Variants in CACNA1C observed in about 807,000 individuals in gnomAD.
The protein encoded by CACNA1C is voltage-dependent L-type calcium channel subunit alpha-1C.
Under a neutral mutation model 229.0 loss-of-function variants are expected in CACNA1C, and 30 were observed. The observed-to-expected ratio is 0.13, with a 90% CI of 0.10 to 0.18. CACNA1C has a LOEUF of 0.18. Among genes scored for constraint, CACNA1C ranks in the 10% least tolerant of loss-of-function variants. The pLI is 1.00. For missense variants in CACNA1C, 1,658 were observed against 2,845.0 expected (o/e 0.58, Z 9.49); for synonymous variants, 1,114 against 1,132.5 (o/e 0.98, Z 0.33).
intron 3 of CACNA1C, among the ~76,000 whole-genome samples, chr12:2,329,436 G>GCAGTGT (rs1010765741): frequency 2.4e-4 from 36 of 152,258 alleles, no homozygotes; most frequent in African/African-American, 8.2e-4. Context: ...CCCTTCACCT[G>GCAGTGT]CAGTGTCAGT....
intron 4 of CACNA1C, among the ~76,000 whole-genome samples, chr12:2,455,344 A>G (rs1471156066): frequency 6.7e-6 from 1 of 148,226 alleles, no homozygotes; most frequent in East Asian, 2.0e-4. Flanking sequence ...TGCAATAATA[A>G]TAATTATAAG....
At chr12:2,244,955 C>T (rs1170850952) in intron 3 of CACNA1C, among the ~76,000 whole-genome samples, 1 of 152,206 alleles carries the variant, frequency 6.6e-6, no homozygotes, top group African/African-American at 2.4e-5. Context: ...TTCTTGTCTG[C>T]TCACCCTGAC....
At chr12:2,471,959 G>A (rs190060750) in intron 5 of CACNA1C, among the ~76,000 whole-genome samples, 22 of 152,332 alleles carry the variant, frequency 1.4e-4, no homozygotes, top group African/African-American at 4.3e-4. Context: ...GATTACAGGC[G>A]TGAGCCACCA....
intron 3 of CACNA1C, among the ~76,000 whole-genome samples, chr12:2,357,936 T>A (rs559785877): frequency 1.5e-4 from 21 of 136,130 alleles, no homozygotes; most frequent in Non-Finnish European, 2.1e-4. Context: ...ATGCCATTGC[T>A]CTCCAGCTGG....
chr12:2,052,392 C>A (rs1323763557), upstream of CACNA1C, among the ~76,000 whole-genome samples: 2 of 152,034 alleles, frequency 1.3e-5, no homozygotes, highest in African/African-American at 4.8e-5. Flanking sequence ...AATCACGGCT[C>A]ATCTTGCCGT....
chr12:2,460,033 A>G (rs1284457824), intron 5 of CACNA1C, among the ~76,000 whole-genome samples: 2 of 152,240 alleles, frequency 1.3e-5, no homozygotes, highest in South Asian at 4.1e-4. Context: ...CACCTGGCTC[A>G]TGGCACCTGA....
rs149146349 is a variant in CACNA1C at position 2,580,211 on chromosome 12, G to C, written c.1896-1379G>C. On this transcript the variant is annotated intron_variant, in intron 13 of 46. Coordinates refer to ENST00000399655, the MANE Select transcript of CACNA1C (RefSeq NM_000719.7). ...GTATATTAATATTCTGCAACAGAGG[G>C]GGTATGGCTGGCAGGCAAAATAGAA... 2.6e-5 allele frequency among the ~76,000 whole-genome samples: 4 copies of C among 152,320 alleles called. No individual in the cohort carries two copies. In the East Asian group the frequency reaches 7.7e-4, roughly 29 times the overall value.
At chr12:2,267,823 C>A (rs574986246) in intron 3 of CACNA1C, among the ~76,000 whole-genome samples, 2 of 152,300 alleles carry the variant, frequency 1.3e-5, no homozygotes, top group African/African-American at 4.8e-5. Context: ...TGTGGCACAT[C>A]TGGGAGGGGT....
Position 2,608,483 on chromosome 12 carries a change from C to A in CACNA1C, c.3357-28C>A, listed in dbSNP as rs1568756685. On this transcript the variant is annotated intron_variant, in intron 26 of 46. Transcript: ENST00000399655. The surrounding 1 kb of genome is among the most constrained non-coding windows in gnomAD (Gnocchi z 4.2). ...AGAGGGGACCCTGCTTCTCCAGTTC[C>A]CTCTGTGGGACCTGTCTCCTCCTGC... is the stretch of plus-strand genomic sequence containing the variant. The A allele has an allele frequency of 1.3e-6, 2 of 1,568,244 alleles. No homozygotes were observed. Among genetic ancestry groups the A allele is most frequent in the Non-Finnish European group, 1.7e-6 (2 of 1,151,090 alleles).
chr12:2,246,520 T>C, intron 3 of CACNA1C, among the ~76,000 whole-genome samples: 1 of 152,100 alleles, frequency 6.6e-6, no homozygotes, highest in Non-Finnish European at 1.5e-5. Flanking sequence ...TCCTGTGTAA[T>C]AGGCACTCCT....
chr12:2,567,337 G>T (rs749322115), intron 12 of CACNA1C, among the ~76,000 whole-genome samples: 45 of 152,224 alleles, frequency 3.0e-4, no homozygotes, highest in Non-Finnish European at 5.4e-4. Flanking sequence ...GAGATTGTGT[G>T]TGCTGAGCCT....
chr12:2,540,658 C>G (rs1231905941), intron 9 of CACNA1C, among the ~76,000 whole-genome samples: 2 of 152,140 alleles, frequency 1.3e-5, no homozygotes, highest in African/African-American at 4.8e-5. Flanking sequence ...TTCGCTGACC[C>G]CTGGAATACG....
chr12:2,438,359 A>ATGATGGTGGTGGTGG (rs755280831), intron 3 of CACNA1C, among the ~76,000 whole-genome samples: 81,767 of 136,452 alleles, frequency 0.6, 24,883 homozygotes, highest in East Asian at 0.85. Flanking sequence ...GGTGGTGGTA[A>ATGATGGTGGTGGTGG]TGATGGTGGT....
rs537892991 is a variant in CACNA1C at position 2,658,209 on chromosome 12, A to C, written c.4232+2971A>C. Among the ~76,000 whole-genome samples the C allele has an allele frequency of 2.6e-5, 4 of 152,356 alleles. No homozygotes were observed. In the South Asian group the frequency reaches 8.3e-4, roughly 32 times the overall value. ...AAAATTAGCCAAGATTTAAGTCACAAAGAATTTAACAAATTCTACAACTGC... is the reference window on the plus strand; with the variant it reads ...AAAATTAGCCAAGATTTAAGTCACACAGAATTTAACAAATTCTACAACTGC... On this transcript the variant is annotated intron_variant, in intron 34 of 46. Coordinates refer to ENST00000399655, the MANE Select transcript of CACNA1C (RefSeq NM_000719.7).
intron 38 of CACNA1C, among the ~76,000 whole-genome samples, chr12:2,669,776 G>A (rs1035549753): frequency 1.3e-5 from 2 of 152,188 alleles, no homozygotes; most frequent in African/African-American, 4.8e-5. Flanking sequence ...GACAGGTGAG[G>A]ATTCAGACCT....
rs778153341 is a variant in CACNA1C, at chr12:2,557,115, G to C, written c.1508+138G>C. The C allele has an allele frequency of 1.5e-5, 10 of 666,932 alleles. 1 individual carries two copies. The highest frequency in any genetic ancestry group is 8.0e-6 in the Non-Finnish European group (3 of 375,196). 41.3% of individuals were successfully genotyped at this position (666,932 alleles called of 1,614,324 possible). On this transcript the variant is annotated intron_variant, in intron 11 of 46. Transcript: ENST00000399655. ...TCTTCTAAGGGGGTAACTACTTTCT[G>C]TATGGCCATCAAGAAAAAGCTTATG...
intron 3 of CACNA1C, among the ~76,000 whole-genome samples, chr12:2,179,568 G>A (rs552066490): frequency 9.2e-5 from 14 of 152,254 alleles, no homozygotes; most frequent in South Asian, 4.2e-4. Context: ...CCCCTATTGC[G>A]TTAGAAAATA....
chr12:2,450,950 A>G (rs4765687), intron 4 of CACNA1C, among the ~76,000 whole-genome samples: 74,209 of 151,854 alleles, frequency 0.49, 18,810 homozygotes, highest in East Asian at 0.72. Flanking sequence ...TTTGCAAGTT[A>G]TTTCCTTGTC....
intron 1 of CACNA1C, among the ~76,000 whole-genome samples, chr12:2,063,679 A>C (rs1200699279): frequency 6.6e-6 from 1 of 152,222 alleles, no homozygotes; most frequent in Non-Finnish European, 1.5e-5. Flanking sequence ...ATCTTAGCAT[A>C]ATGTCTTCAA....
Sources: allele counts gnomAD v4.1 joint callset (sites outside exome capture counted in the v4.1 genomes callset), GRCh38; gene constraint gnomAD v4.1.1; non-coding constraint Gnocchi (gnomAD v3.1); transcripts MANE v1.5; gene names NCBI Gene and HGNC (gene_info 2026-07-23, HGNC 2026-07-21).